The following ZDHHC15 variants were observed in gnomAD, a reference collection of about 807,000 sequenced individuals.
ZDHHC15 encodes zDHHC palmitoyltransferase 15.
Under a neutral mutation model 31.7 loss-of-function variants are expected in ZDHHC15, and 19 were observed. That is an observed-to-expected ratio of 0.60 (90% CI 0.42 to 0.88). The LOEUF (loss-of-function observed/expected upper bound fraction) is 0.88. Among genes scored for constraint, ZDHHC15 ranks in the 40% least tolerant of loss-of-function variants. The pLI is 0.00. For synonymous variants in ZDHHC15, 103 were observed against 90.0 expected, an observed-to-expected ratio of 1.14 and a Z score of -0.82; for missense variants, 209 against 251.2, an observed-to-expected ratio of 0.83 and a Z score of 1.14.
intron 2 of ZDHHC15, among the ~76,000 whole-genome samples, chrX:75,500,708 T>C (rs1400154387): frequency 9.1e-6 from 1 of 109,529 alleles, no homozygotes. Flanking sequence ...GAGGCTTTTA[T>C]CTGATCTCTA....
intron 9 of ZDHHC15, among the ~76,000 whole-genome samples, chrX:75,419,758 A>G (rs1477171298): frequency 2.7e-5 from 3 of 109,503 alleles, no homozygotes; most frequent in Non-Finnish European, 5.7e-5. Context: ...ACCATGGAAT[A>G]CTATGCAGTC....
chrX:75,413,708 C>CA (rs201923062), intron 10 of ZDHHC15, among the ~76,000 whole-genome samples: 104 of 104,374 alleles, frequency 1.0e-3, no homozygotes, highest in African/African-American at 1.7e-3. Flanking sequence ...CAAAACAAAA[C>CA]AAAAAAAAAC....
At chrX:75,468,504 T>C (rs1269906435) in intron 3 of ZDHHC15, among the ~76,000 whole-genome samples, 3 of 112,264 alleles carry the variant, frequency 2.7e-5, no homozygotes, top group Non-Finnish European at 5.6e-5. Context: ...CTTTTGGCTA[T>C]AGTGAATAGT....
intron 10 of ZDHHC15, among the ~76,000 whole-genome samples, chrX:75,406,006 T>C (rs1329993909): frequency 8.9e-6 from 1 of 112,227 alleles, no homozygotes; most frequent in African/African-American, 3.2e-5. Flanking sequence ...TTTTAAAAAG[T>C]ATTTTTTCTG....
chrX:75,389,030 A>G (rs1233841987), intron 10 of ZDHHC15, among the ~76,000 whole-genome samples: 2 of 111,701 alleles, frequency 1.8e-5, no homozygotes, highest in East Asian at 2.8e-4. Flanking sequence ...TGGTATGGAG[A>G]CAGACTCTGT....
intron 10 of ZDHHC15, among the ~76,000 whole-genome samples, chrX:75,380,311 T>A (rs2083100836): frequency 1.8e-5 from 2 of 112,292 alleles, no homozygotes; most frequent in Non-Finnish European, 3.8e-5. Context: ...TAAATTTCCT[T>A]GCCTTGCTGT....
At chrX:75,482,233 C>G (rs754913441) in intron 2 of ZDHHC15, among the ~76,000 whole-genome samples, 1 of 111,132 alleles carries the variant, frequency 9.0e-6, no homozygotes, top group East Asian at 2.8e-4. Flanking sequence ...ATGCAATATA[C>G]CCAGCTAACA....
intron 3 of ZDHHC15, among the ~76,000 whole-genome samples, chrX:75,452,533 G>A (rs192166216): frequency 2.5e-3 from 283 of 111,465 alleles, no homozygotes; most frequent in African/African-American, 8.7e-3. Flanking sequence ...TCTGCACCAA[G>A]CAGACCTAAT....
intron 3 of ZDHHC15, among the ~76,000 whole-genome samples, chrX:75,453,813 C>A (rs979600878): frequency 1.2e-4 from 13 of 111,280 alleles, no homozygotes; most frequent in East Asian, 5.6e-4. Context: ...ATAGATGCAG[C>A]AAAGGCCTTT....
intron 3 of ZDHHC15, 45 bp from the exon 4 acceptor site, chrX:75,450,967 T>A (rs914078963): frequency 8.6e-7 from 1 of 1,164,222 alleles, no homozygotes; most frequent in African/African-American, 1.8e-5. Context: ...CTAAAGTTAA[T>A]AGAAAAGATT....
At chrX:75,387,162 C>T (rs2083188734) in intron 10 of ZDHHC15, among the ~76,000 whole-genome samples, 1 of 111,663 alleles carries the variant, frequency 9.0e-6, no homozygotes, top group South Asian at 3.8e-4. Flanking sequence ...ATCCAACAGG[C>T]AAATTACAAA....
At chrX:75,468,115 G>A (rs2084440245) in intron 3 of ZDHHC15, among the ~76,000 whole-genome samples, 1 of 106,824 alleles carries the variant, frequency 9.4e-6, no homozygotes, top group African/African-American at 3.5e-5. Flanking sequence ...GCACAATCTC[G>A]GGTCACCACA....
At chrX:75,476,924 G>A (rs928768696) in intron 3 of ZDHHC15, among the ~76,000 whole-genome samples, 20 of 110,558 alleles carry the variant, frequency 1.8e-4, no homozygotes, top group African/African-American at 5.2e-4. Context: ...TGATTACTTT[G>A]GTTTTAGATT....
At chrX:75,459,163 A>G (rs908083065) in intron 3 of ZDHHC15, among the ~76,000 whole-genome samples, 31 of 109,926 alleles carry the variant, frequency 2.8e-4, no homozygotes, top group Non-Finnish European at 5.3e-4. Flanking sequence ...AGCTGTGTGG[A>G]GTCATGGCAG....
intron 2 of ZDHHC15, among the ~76,000 whole-genome samples, chrX:75,493,329 T>C (rs945829217): frequency 2.9e-4 from 32 of 111,928 alleles, no homozygotes; most frequent in Admixed American, 4.7e-4. Flanking sequence ...ACAAGATGGA[T>C]TCACAGCCGA....
chrX:75,469,988 C>T (rs148635063), intron 3 of ZDHHC15, among the ~76,000 whole-genome samples: 4,204 of 111,236 alleles, frequency 0.038, 102 homozygotes, highest in Non-Finnish European at 0.063. Context: ...TAATGATTAA[C>T]GATATTCAGC....
intron 2 of ZDHHC15, among the ~76,000 whole-genome samples, chrX:75,481,346 C>A (rs1450962363): frequency 9.0e-6 from 1 of 111,678 alleles, no homozygotes. Flanking sequence ...TAAACTCCTA[C>A]ACTTGGCAGT....
At chrX:75,492,188 C>A (rs761214527) in intron 2 of ZDHHC15, among the ~76,000 whole-genome samples, 40 of 111,458 alleles carry the variant, frequency 3.6e-4, no homozygotes, top group Middle Eastern at 4.6e-3. Context: ...CAAAGAAGGA[C>A]ATTAGATAAT....
At position 75,421,972 on chromosome X, in the gene ZDHHC15, A is replaced by G; in HGVS notation, c.755T>C (p.Val252Ala). The G allele has an allele frequency of 1.7e-6, 2 of 1,209,432 alleles. No homozygotes were observed. The highest frequency in any genetic ancestry group is 2.2e-6 in the Non-Finnish European group (2 of 894,311). The part of the protein sequence containing the change: ...KTTLEAFCTP[V>A]FTSGPEKNGF... The stretch of plus-strand genomic sequence containing the variant: ...ATTTTTCTCTGGGCCACTTGTAAAC[A>G]CTGGAGTGCAGAAGGCCTCTAAGGC... The change falls in exon 9 of 12, where the codon GTG (valine) becomes GCG (alanine). Residue 252 changes from valine to alanine, a missense_variant. Transcript: ENST00000373367.
Sources: gnomAD v4.1 joint callset for allele counts (sites outside exome capture counted in the v4.1 genomes callset) on GRCh38, gnomAD v4.1.1 for gene constraint, MANE v1.5 for transcripts, NCBI Gene and HGNC (gene_info 2026-07-23, HGNC 2026-07-21) for gene names.